The following CNNM2 variants were observed in gnomAD, a reference collection of about 807,000 sequenced individuals.
The protein encoded by CNNM2 is metal transporter CNNM2.
A neutral mutation model predicts 66.9 loss-of-function variants in CNNM2; 12 were observed. That is an observed-to-expected ratio of 0.18 (90% CI 0.11 to 0.29). The LOEUF is 0.29. Among genes scored for constraint, CNNM2 ranks in the 10% least tolerant of loss-of-function variants. The pLI, the probability that CNNM2 is intolerant of heterozygous loss-of-function variation, is 1.00. For missense variants in CNNM2, 705 were observed against 1,167.7 expected, an observed-to-expected ratio of 0.60 and a Z score of 5.77; for synonymous variants, 557 against 501.8, an observed-to-expected ratio of 1.11 and a Z score of -1.47.
chr10:103,018,330 C>G (rs1255060876), intron 1 of CNNM2, among the ~76,000 whole-genome samples: 1 of 152,070 alleles, frequency 6.6e-6, no homozygotes, highest in South Asian at 2.1e-4. Flanking sequence ...ATGCATCCTT[C>G]CCCTCCTTAA....
chr10:102,958,902 A>G (rs1333383600), intron 1 of CNNM2, among the ~76,000 whole-genome samples: 1 of 152,106 alleles, frequency 6.6e-6, no homozygotes, highest in Non-Finnish European at 1.5e-5. Context: ...GAGGCAGGAT[A>G]GTTATCCAGG....
chr10:102,922,595 A>G (rs987305000), intron 1 of CNNM2, among the ~76,000 whole-genome samples: 1 of 152,116 alleles, frequency 6.6e-6, no homozygotes, highest in Admixed American at 6.6e-5. Context: ...CCCCAACAAT[A>G]CCAATTGTAA....
At position 103,028,850 on chromosome 10, in the gene CNNM2, T is replaced by C. The variant is rs1032986604; in HGVS notation, c.1622-20857T>C. The stretch of plus-strand genomic sequence containing the variant: ...TTTCTTTTTTTTTTTTTTGAGACAG[T>C]CTCGCTGTGTCACTCAGGCTGGAGT... On this transcript the variant is annotated intron_variant, in intron 1 of 7. Coordinates refer to ENST00000369878, the MANE Select transcript of CNNM2 (RefSeq NM_017649.5). 3.6e-5 allele frequency among the ~76,000 whole-genome samples: 5 copies of C among 137,888 alleles called. No individual in the cohort carries two copies. The South Asian group carries it at 1.2e-3, about 33-fold the overall frequency. 90.5% of individuals were successfully genotyped at this position (137,888 alleles called of 152,430 possible). A position where few individuals can be genotyped will look rare whatever the true frequency, so the allele number is the denominator to read the frequency against.
chr10:102,942,474 A>G (rs1447008526), intron 1 of CNNM2, among the ~76,000 whole-genome samples: 1 of 152,210 alleles, frequency 6.6e-6, no homozygotes, highest in Non-Finnish European at 1.5e-5. Context: ...AGGTTCATCC[A>G]TGTTGTAGCA....
rs533773545 is a variant in CNNM2, at chr10:102,950,761, AAAAG to A, written c.1621+30664_1621+30667del. On this transcript the variant is annotated intron_variant, in intron 1 of 7. Coordinates refer to ENST00000369878, the MANE Select transcript of CNNM2 (RefSeq NM_017649.5). ...GTGAGACCCTGTCTCAAAAAAAAGA[AAAAG>A]AAAATAATTTGGGAAAACTCACTGT... Among the ~76,000 whole-genome samples, 176 of 152,282 alleles carry A rather than the reference AAAAG, an allele frequency of 1.2e-3. 1 individual carries two copies. Among genetic ancestry groups the A allele is most frequent in the African/African-American group, 4.1e-3 (170 of 41,552 alleles).
At chr10:102,936,410 G>T (rs763349587) in intron 1 of CNNM2, among the ~76,000 whole-genome samples, 13 of 151,868 alleles carry the variant, frequency 8.6e-5, no homozygotes, top group Non-Finnish European at 1.8e-4. Context: ...ACTAAGCAGA[G>T]AAAAAACCCT....
At position 103,086,146 on chromosome 10, in the gene CNNM2, A is replaced by C. The variant is rs2065805634; in HGVS notation, c.*8966A>C. 1 of 152,262 alleles carries C rather than the reference A, an allele frequency of 6.6e-6. No homozygotes were observed. Among genetic ancestry groups the C allele is most frequent in the Non-Finnish European group, 1.5e-5 (1 of 68,030 alleles). 9.4% of individuals were successfully genotyped at this position (152,262 alleles called of 1,614,324 possible). ...TAGTGCATGTTTTTCTTCTATCTGC[A>C]GGGTTGCTCTGGTAGCTCCATGGTA... On this transcript the variant is annotated 3_prime_UTR_variant, in exon 8 of 8. Coordinates refer to ENST00000369878, the MANE Select transcript of CNNM2 (RefSeq NM_017649.5).
intron 1 of CNNM2, among the ~76,000 whole-genome samples, chr10:103,007,001 C>G (rs1446747790): frequency 2.0e-5 from 3 of 152,140 alleles, no homozygotes; most frequent in Admixed American, 2.0e-4. Flanking sequence ...GGGGAACCCA[C>G]CCCCAGTATT....
chr10:103,060,839 G>A (rs140245495), intron 4 of CNNM2, among the ~76,000 whole-genome samples: 9 of 152,052 alleles, frequency 5.9e-5, no homozygotes, highest in African/African-American at 1.9e-4. Context: ...CTCACCATGC[G>A]CATGTACTAT....
At chr10:102,984,755 G>T (rs968634493) in intron 1 of CNNM2, among the ~76,000 whole-genome samples, 2 of 152,038 alleles carry the variant, frequency 1.3e-5, no homozygotes, top group Admixed American at 6.6e-5. Flanking sequence ...TGCCTCCCGG[G>T]TTCAAGTGAT....
At chr10:103,059,272 C>T (rs1251475332) in intron 4 of CNNM2, among the ~76,000 whole-genome samples, 2 of 152,182 alleles carry the variant, frequency 1.3e-5, no homozygotes, top group African/African-American at 4.8e-5. Context: ...CCGCGTCTGG[C>T]CTCCACTGCA....
At chr10:102,952,423 G>A (rs1358592261) in intron 1 of CNNM2, among the ~76,000 whole-genome samples, 1 of 152,000 alleles carries the variant, frequency 6.6e-6, no homozygotes, top group East Asian at 1.9e-4. Flanking sequence ...AATTGGCTGG[G>A]CGTGGTGGCG....
rs1295411225 is a variant in CNNM2 at position 103,084,221 on chromosome 10, C to T, written c.*7041C>T. 2.6e-5 allele frequency: 4 copies of T among 152,170 alleles called. No homozygotes were observed. The highest frequency in any genetic ancestry group is 5.9e-5 in the Non-Finnish European group (4 of 68,040). 9.4% of individuals were successfully genotyped at this position (152,170 alleles called of 1,614,324 possible). ...GTGCTCTGAAAATTTAGCCTCTTGA[C>T]TGGTCCATTTATAGTCTCCACTGAA... On this transcript the variant is annotated 3_prime_UTR_variant, in exon 8 of 8. Coordinates refer to ENST00000369878, the MANE Select transcript of CNNM2 (RefSeq NM_017649.5).
At chr10:102,929,650 C>G (rs184109418) in intron 1 of CNNM2, among the ~76,000 whole-genome samples, 1 of 152,182 alleles carries the variant, frequency 6.6e-6, no homozygotes, top group Non-Finnish European at 1.5e-5. Flanking sequence ...TCTTCATTCT[C>G]TTTAATCATA....
intron 1 of CNNM2, among the ~76,000 whole-genome samples, chr10:103,026,291 A>G (rs1285389579): frequency 1.3e-5 from 2 of 152,218 alleles, no homozygotes; most frequent in Non-Finnish European, 2.9e-5. Context: ...TGCAGCATCA[A>G]GTACAAATGT....
At chr10:103,029,564 G>A (rs1374467218) in intron 1 of CNNM2, among the ~76,000 whole-genome samples, 1 of 151,672 alleles carries the variant, frequency 6.6e-6, no homozygotes, top group East Asian at 1.9e-4. Context: ...TCTCACAGAG[G>A]ACTAAAAATT....
chr10:103,051,631 T>G (rs1281944827), intron 2 of CNNM2, among the ~76,000 whole-genome samples: 1 of 151,860 alleles, frequency 6.6e-6, no homozygotes, highest in African/African-American at 2.4e-5. Flanking sequence ...TCCCAGCTAC[T>G]CAGGAAGCTG....
intron 4 of CNNM2, among the ~76,000 whole-genome samples, chr10:103,062,198 A>G (rs959546689): frequency 1.3e-5 from 2 of 152,226 alleles, no homozygotes; most frequent in African/African-American, 4.8e-5. Flanking sequence ...CGGCCCATCC[A>G]CACTCTTTTT....
intron 1 of CNNM2, among the ~76,000 whole-genome samples, chr10:103,035,396 AT>A (rs2064916844): frequency 6.6e-6 from 1 of 152,210 alleles, no homozygotes; most frequent in South Asian, 2.1e-4. Context: ...CTAGGGAAAC[AT>A]TCCAATGAGT....
Sources: allele counts gnomAD v4.1 joint callset (sites outside exome capture counted in the v4.1 genomes callset), GRCh38; gene constraint gnomAD v4.1.1; transcripts MANE v1.5; gene names NCBI Gene and HGNC (gene_info 2026-07-23, HGNC 2026-07-21).